HOMEZ: variants seen among roughly 807,000 people sequenced by gnomAD.
HOMEZ encodes homeobox and leucine zipper encoding, also known as homeobox and leucine zipper protein Homez.
HOMEZ carries 20 observed loss-of-function variants against 50.1 expected under a neutral mutation model. The observed-to-expected ratio is 0.40, with a 90% CI of 0.28 to 0.58. The LOEUF (loss-of-function observed/expected upper bound fraction) is 0.58, where lower values mean the gene tolerates loss of function less well. Among genes scored for constraint, HOMEZ ranks in the 20% least tolerant of loss-of-function variants. HOMEZ has a pLI of 0.46. For synonymous variants in HOMEZ, 239 were observed against 254.7 expected (o/e 0.94, Z 0.59); for missense variants, 579 against 680.5 (o/e 0.85, Z 1.66).
chr14:23,280,843 G>C (rs1036585515), intron 1 of HOMEZ, among the ~76,000 whole-genome samples: 2 of 148,970 alleles, frequency 1.3e-5, no homozygotes, highest in African/African-American at 2.5e-5. Flanking sequence ...GCACGATCTT[G>C]GCTCACTGCA....
intron 1 of HOMEZ, among the ~76,000 whole-genome samples, chr14:23,278,451 G>T (rs978605302): frequency 6.6e-6 from 1 of 150,946 alleles, no homozygotes; most frequent in Non-Finnish European, 1.5e-5. Context: ...TTGCAGCTTT[G>T]AACTCTTAGG....
chr14:23,285,235 G>C (rs1291244661), intron 1 of HOMEZ: 2 of 151,860 alleles, frequency 1.3e-5, no homozygotes, highest in East Asian at 3.9e-4. Context: ...GTGTATGATG[G>C]GAAGGAGGTT....
intron 1 of HOMEZ, among the ~76,000 whole-genome samples, chr14:23,280,764 TTTTATTTTA>T (rs1886529176): frequency 9.0e-6 from 1 of 110,764 alleles, no homozygotes; most frequent in African/African-American, 3.1e-5. Flanking sequence ...TTTTATTTTA[TTTTATTTTA>T]TTTTATTTTA....
rs1045647853 is a variant in HOMEZ, at chr14:23,274,394, T to C, written c.*1181A>G. 2.6e-5 allele frequency: 4 copies of C among 152,662 alleles called. No individual in the cohort carries two copies. Among genetic ancestry groups the C allele is most frequent in the Non-Finnish European group, 4.4e-5 (3 of 68,034 alleles). 9.5% of individuals were successfully genotyped at this position (152,662 alleles called of 1,614,324 possible). A position where few individuals can be genotyped will look rare whatever the true frequency, so the allele number is the denominator to read the frequency against. The stretch of plus-strand genomic sequence containing the variant: ...ACTGCCCTTCAACAAGGAGAAACTA[T>C]TCCCTCTCTTTCACCCCTTTGTAAC... On this transcript the variant is annotated 3_prime_UTR_variant, in exon 2 of 2. Coordinates refer to ENST00000357460, the MANE Select transcript of HOMEZ (RefSeq NM_020834.3).
At chr14:23,284,882 T>C (rs1886626384) in intron 1 of HOMEZ, 1 of 152,216 alleles carries the variant, frequency 6.6e-6, no homozygotes, top group African/African-American at 2.4e-5. Context: ...GCTCTCAGAC[T>C]GCACACTAGA....
intron 1 of HOMEZ, chr14:23,285,304 A>G (rs1440573371): frequency 6.6e-6 from 1 of 151,892 alleles, no homozygotes. Flanking sequence ...AACAGGTCTC[A>G]GCTTGAGTCT....
Position 23,275,670 on chromosome 14 carries a change from C to T in HOMEZ, c.1558G>A (p.Glu520Lys), listed in dbSNP as rs1472427306. Residue 520 changes from glutamate (E) to lysine (K), a missense_variant, in exon 2 of 2, where the codon GAG (glutamate) becomes AAG (lysine). Physicochemically the swap from Glu to Lys is moderately conservative, Grantham distance 56. Transcript: ENST00000357460. Reference sequence around the variant, plus strand: ...TCATCTTCTGGCAGTTCTTCCTCCTCCTCTTCCTCTTCTTCATCTAGACAA... The same window carrying T: ...TCATCTTCTGGCAGTTCTTCCTCCTTCTCTTCCTCTTCTTCATCTAGACAA... ...VVCLDEEEEEEEEELPEDDEE... is the reference protein window; with the variant it reads ...VVCLDEEEEEKEEELPEDDEE... 2 of 1,579,908 alleles carry T rather than the reference C, an allele frequency of 1.3e-6. No individual in the cohort carries two copies. The highest frequency in any genetic ancestry group is 8.6e-7 in the Non-Finnish European group (1 of 1,162,172).
At position 23,280,695 on chromosome 14, in the gene HOMEZ, A is replaced by ATTTATTTTATTT. The variant is rs1886484080; in HGVS notation, c.41-3509_41-3508insAAATAAAATAAA. ...ATCACATCTGTTATATTTTATTTTT[A>ATTTATTTTATTT]TTTTTATATTTTTATTTTTATTTTA... is the stretch of plus-strand genomic sequence containing the variant. On this transcript the variant is annotated intron_variant, in intron 1 of 1. Transcript: ENST00000357460. Among the ~76,000 whole-genome samples the ATTTATTTTATTT allele has an allele frequency of 1.2e-4, 11 of 90,598 alleles. No homozygotes were observed. In the South Asian group the frequency reaches 4.1e-3, roughly 34 times the overall value. The allele number at this position is 90,598 out of a possible 152,430, so 59.4% of individuals were successfully genotyped here.
In HOMEZ at chr14:23,285,893, A is replaced by C; in HGVS notation, c.40+20T>G. On this transcript the variant is annotated intron_variant, in intron 1 of 1. Coordinates refer to ENST00000357460, the MANE Select transcript of HOMEZ (RefSeq NM_020834.3). Reference sequence around the variant, plus strand: ...TACACGAGCTGGGAGGGGAAGTCCAAGGGGCTGGGGATCACTCACCGCAGT... The same window carrying C: ...TACACGAGCTGGGAGGGGAAGTCCACGGGGCTGGGGATCACTCACCGCAGT... The C allele has an allele frequency of 8.1e-7, 1 of 1,239,322 alleles. No individual in the cohort carries two copies. The highest frequency in any genetic ancestry group is 3.2e-5 in the East Asian group (1 of 31,652). The allele number at this position is 1,239,322 out of a possible 1,614,324, so 76.8% of individuals were successfully genotyped here.
chr14:23,286,062 C>G lies in HOMEZ; in HGVS notation c.-110G>C, dbSNP rs976483775. On this transcript the variant is annotated 5_prime_UTR_variant, in exon 1 of 2. Transcript: ENST00000357460. Reference sequence around the variant, plus strand: ...CCAGCGATGGCCGAAACCGGGACTGCCCCCCCCACCGTCCCCGGGAGCGCG... The same window carrying G: ...CCAGCGATGGCCGAAACCGGGACTGGCCCCCCCACCGTCCCCGGGAGCGCG... 1.9e-4 allele frequency: 235 copies of G among 1,226,410 alleles called. No individual in the cohort carries two copies. The highest frequency in any genetic ancestry group is 4.3e-4 in the Admixed American group (10 of 23,488). The allele number at this position is 1,226,410 out of a possible 1,614,324, so 76.0% of individuals were successfully genotyped here. A position where few individuals can be genotyped will look rare whatever the true frequency, so the allele number is the denominator to read the frequency against.
Position 23,286,037 on chromosome 14 carries a change from C to G in HOMEZ, c.-85G>C. On this transcript the variant is annotated 5_prime_UTR_variant, in exon 1 of 2. Coordinates refer to ENST00000357460, the MANE Select transcript of HOMEZ (RefSeq NM_020834.3). ...CCGGTGCGGCCGCTCCGAGCCCACC[C>G]CAGCGATGGCCGAAACCGGGACTGC... 1 of 1,232,264 alleles carries G rather than the reference C, an allele frequency of 8.1e-7. No individual in the cohort carries two copies. Among genetic ancestry groups the G allele is most frequent in the Non-Finnish European group, 1.0e-6 (1 of 987,484 alleles). 76.3% of individuals were successfully genotyped at this position (1,232,264 alleles called of 1,614,324 possible).
rs1298601466 is a variant in HOMEZ at position 23,276,028 on chromosome 14, G to T, written c.1200C>A (p.Ile400=). The T allele has an allele frequency of 6.2e-7, 1 of 1,613,822 alleles. No individual in the cohort carries two copies. The highest frequency in any genetic ancestry group is 1.1e-5 in the South Asian group (1 of 91,052). The change falls in exon 2 of 2, where the codon ATC becomes ATA. Residue 400 remains isoleucine, a synonymous_variant. Transcript: ENST00000357460. The surrounding 1 kb of genome is among the most constrained non-coding windows in gnomAD (Gnocchi z 4.1). ...EQITGLPRPE[I]IQWFGDTRYA... is the part of the protein sequence containing the mutation. ...AGCGTGTGTCACCAAACCACTGAAT[G>T]ATCTCAGGCCGAGGTAAACCAGTGA...
chr14:23,282,977 C>T (rs1886587676), intron 1 of HOMEZ, among the ~76,000 whole-genome samples: 2 of 152,148 alleles, frequency 1.3e-5, no homozygotes, highest in African/African-American at 2.4e-5. Flanking sequence ...AAAACCACAA[C>T]CAGAATGGCT....
Position 23,275,995 on chromosome 14 carries a change from C to G in HOMEZ, c.1233G>C (p.Leu411Phe), listed in dbSNP as rs1333443610. ...GAAACCACTTTAGTTGCCCATGCTT[C>G]AAGGCATAGCGTGTGTCACCAAACC... ...IQWFGDTRYALKHGQLKWFRD... is the reference protein window; with the variant it reads ...IQWFGDTRYAFKHGQLKWFRD... Residue 411 changes from leucine (L) to phenylalanine (F), a missense_variant, in exon 2 of 2, where the codon TTG becomes TTC. Physicochemically the swap from Leu to Phe is conservative, Grantham distance 22. Coordinates refer to ENST00000357460, the MANE Select transcript of HOMEZ (RefSeq NM_020834.3). The G allele has an allele frequency of 1.2e-6, 2 of 1,613,186 alleles. No homozygotes were observed. Among genetic ancestry groups the G allele is most frequent in the Non-Finnish European group, 1.7e-6 (2 of 1,179,580 alleles).
rs769258649 is a variant in HOMEZ at position 23,275,989 on chromosome 14, A to G, written c.1239T>C (p.His413=). ...WFGDTRYALK[H]GQLKWFRDNA... The stretch of plus-strand genomic sequence containing the variant: ...TGTCCCGAAACCACTTTAGTTGCCC[A>G]TGCTTCAAGGCATAGCGTGTGTCAC... Residue 413 remains histidine, a synonymous_variant, in exon 2 of 2, where the codon CAT becomes CAC. Coordinates refer to ENST00000357460, the MANE Select transcript of HOMEZ (RefSeq NM_020834.3). 6.2e-7 allele frequency: 1 copy of G among 1,613,338 alleles called. No individual in the cohort carries two copies. Among genetic ancestry groups the G allele is most frequent in the Admixed American group, 1.7e-5 (1 of 59,836 alleles).
Position 23,275,707 on chromosome 14 carries a change from A to C in HOMEZ, c.1521T>G (p.Ala507=). 3 of 1,607,084 alleles carry C rather than the reference A, an allele frequency of 1.9e-6. No homozygotes were observed. Among genetic ancestry groups the C allele is most frequent in the Non-Finnish European group, 2.5e-6 (3 of 1,176,732 alleles). ...CTTCATCTAGACAAACTACCACCTC[A>C]GCTGGCTGAGGTAATCGAGAGTCAA... ...DWFDSRLPQP[A]EVVVCLDEEE... The change falls in exon 2 of 2, where the codon GCT becomes GCG. Residue 507 remains alanine (A), a synonymous_variant. Coordinates refer to ENST00000357460, the MANE Select transcript of HOMEZ (RefSeq NM_020834.3).
rs148377037 is a variant in HOMEZ, at chr14:23,279,106, C to T, written c.41-1919G>A. On this transcript the variant is annotated intron_variant, in intron 1 of 1. Coordinates refer to ENST00000357460, the MANE Select transcript of HOMEZ (RefSeq NM_020834.3). The stretch of plus-strand genomic sequence containing the variant: ...TCAAGTGATTCTCCTGCCTCAGCCT[C>T]CTGAGTAGCTGGAATTACAAGCGTG... 1.9e-3 allele frequency among the ~76,000 whole-genome samples: 290 copies of T among 152,248 alleles called. 1 individual carries two copies. Among genetic ancestry groups the T allele is most frequent in the African/African-American group, 6.2e-3 (259 of 41,536 alleles).
rs1015335047 is a variant in HOMEZ at position 23,273,838 on chromosome 14, G to T, written c.*1737C>A. The T allele has an allele frequency of 2.0e-5, 3 of 152,428 alleles. No individual in the cohort carries two copies. The highest frequency in any genetic ancestry group is 2.9e-5 in the Non-Finnish European group (2 of 68,040). 9.4% of individuals were successfully genotyped at this position (152,428 alleles called of 1,614,324 possible). ...TATCTCTGTTACTCCTGAAGCCTCA[G>T]AAATTTTAGTCATTATCATTTGATG... On this transcript the variant is annotated 3_prime_UTR_variant, in exon 2 of 2. Coordinates refer to ENST00000357460, the MANE Select transcript of HOMEZ (RefSeq NM_020834.3).
rs1886288650 is a variant in HOMEZ, at chr14:23,274,460, C to A, written c.*1115G>T. The A allele has an allele frequency of 6.5e-6, 1 of 152,756 alleles. No individual in the cohort carries two copies. 9.5% of individuals were successfully genotyped at this position (152,756 alleles called of 1,614,324 possible). ...AAAAGGACATCTTCCCTAATTACCA[C>A]CTCCAATAAATATCCATTCTAAATT... is the stretch of plus-strand genomic sequence containing the variant. On this transcript the variant is annotated 3_prime_UTR_variant, in exon 2 of 2. Transcript: ENST00000357460.
Sources: allele counts gnomAD v4.1 joint callset (sites outside exome capture counted in the v4.1 genomes callset), GRCh38; gene constraint gnomAD v4.1.1; non-coding constraint Gnocchi (gnomAD v3.1); transcripts MANE v1.5; gene names NCBI Gene and HGNC (gene_info 2026-07-23, HGNC 2026-07-21).